The following FMN2 variants were observed in gnomAD, a reference collection of about 807,000 sequenced individuals.
FMN2 encodes formin 2.
In FMN2, 51 loss-of-function variants were observed where a neutral mutation model predicts 142.3. The ratio of observed to expected loss-of-function variants is 0.36; its 90% CI spans 0.29 to 0.45. The LOEUF is 0.45. FMN2 is among the 20% of genes least tolerant of loss of function. The pLI is 1.00. For synonymous variants in FMN2, 882 were observed against 869.8 expected (o/e 1.01, Z -0.25); for missense variants, 1,936 against 2,122.8 (o/e 0.91, Z 1.73).
chr1:240,355,741 C>T (rs1468068075), intron 13 of FMN2, 75 bp from the exon 14 acceptor site: 2 of 989,288 alleles, frequency 2.0e-6, no homozygotes, highest in African/African-American at 1.6e-5. Flanking sequence ...CTAACATTAG[C>T]TAAGATGTTT....
intron 13 of FMN2, among the ~76,000 whole-genome samples, chr1:240,335,112 G>A (rs571808907): frequency 2.0e-5 from 3 of 152,120 alleles, no homozygotes; most frequent in Non-Finnish European, 2.9e-5. Context: ...TTTTAAAATG[G>A]ATTTCAGTGA....
chr1:240,236,607 G>A (rs935848448), intron 6 of FMN2, among the ~76,000 whole-genome samples: 1 of 152,138 alleles, frequency 6.6e-6, no homozygotes, highest in South Asian at 2.1e-4. Flanking sequence ...TTTTACTCAC[G>A]GCAGAAGGTG....
At chr1:240,164,027 G>T (rs886071866) in intron 2 of FMN2, among the ~76,000 whole-genome samples, 4 of 151,872 alleles carry the variant, frequency 2.6e-5, no homozygotes, top group African/African-American at 9.7e-5. Flanking sequence ...ACAGGGGTGC[G>T]TCACCACCCC....
intron 13 of FMN2, among the ~76,000 whole-genome samples, chr1:240,347,889 T>G (rs1437486425): frequency 6.6e-6 from 1 of 152,224 alleles, no homozygotes; most frequent in Non-Finnish European, 1.5e-5. Context: ...GTTTCATGGC[T>G]GCATAGTATT....
chr1:240,341,377 A>G lies in FMN2; in HGVS notation c.4765+7148A>G, dbSNP rs551729147. On this transcript the variant is annotated intron_variant, in intron 13 of 17. Transcript: ENST00000319653. ...AGTCACTAGTTTCCTATGTGGTGTT[A>G]GAATGATGATTTTTATAAAGGTGTC... The G allele has an allele frequency of 3.9e-5, 6 of 152,290 alleles. No individual in the cohort carries two copies. The East Asian group carries it at 1.2e-3, about 29-fold the overall frequency. 9.4% of individuals were successfully genotyped at this position (152,290 alleles called of 1,614,324 possible).
At chr1:240,291,621 G>C (rs1572160986) in intron 7 of FMN2, among the ~76,000 whole-genome samples, 2 of 152,258 alleles carry the variant, frequency 1.3e-5, no homozygotes, top group Admixed American at 1.3e-4. Context: ...TAATAAACAA[G>C]ACAGAGTATA....
chr1:240,408,294 CCAAA>C (rs1179765711), intron 15 of FMN2, among the ~76,000 whole-genome samples: 1 of 151,982 alleles, frequency 6.6e-6, no homozygotes, highest in African/African-American at 2.4e-5. Flanking sequence ...AGCAACTAGG[CCAAA>C]CATTCTTGAT....
At chr1:240,434,555 G>GTTTTTTTT (rs57596533) in intron 15 of FMN2, among the ~76,000 whole-genome samples, 1 of 148,174 alleles carries the variant, frequency 6.7e-6, no homozygotes. Flanking sequence ...TTTGTTTTTT[G>GTTTTTTTT]TTTTTTTTTG....
chr1:240,472,524 C>T, intron 17 of FMN2, 71 bp downstream of exon 17: 1 of 952,286 alleles, frequency 1.1e-6, no homozygotes. Flanking sequence ...TATATACAAA[C>T]TCATAATATT....
At chr1:240,461,861 C>T (rs1040401396) in intron 16 of FMN2, among the ~76,000 whole-genome samples, 2 of 152,202 alleles carry the variant, frequency 1.3e-5, no homozygotes, top group African/African-American at 4.8e-5. Flanking sequence ...GATATGCCCA[C>T]TGTCTCTGCA....
intron 3 of FMN2, among the ~76,000 whole-genome samples, chr1:240,183,445 T>A (rs1665235902): frequency 6.8e-6 from 1 of 148,136 alleles, no homozygotes; most frequent in Non-Finnish European, 1.5e-5. Context: ...AGGTTATGAT[T>A]ATATAATATA....
At chr1:240,171,250 C>T (rs1234002978) in intron 2 of FMN2, 1 of 758,588 alleles carries the variant, frequency 1.3e-6, no homozygotes, top group Non-Finnish European at 2.4e-6. Context: ...AGCCTTTGAA[C>T]TGTTGCATTC....
At chr1:240,406,073 G>A in intron 15 of FMN2, among the ~76,000 whole-genome samples, 1 of 135,008 alleles carries the variant, frequency 7.4e-6, no homozygotes, top group Non-Finnish European at 1.5e-5. Flanking sequence ...AGCCTCAGGA[G>A]TGGGGGGAGC....
At chr1:240,205,275 G>A (rs988190793) in intron 4 of FMN2, among the ~76,000 whole-genome samples, 5 of 152,024 alleles carry the variant, frequency 3.3e-5, no homozygotes, top group African/African-American at 1.2e-4. Flanking sequence ...AGCCTTTAGT[G>A]AGCAAATCCA....
chr1:240,350,477 G>C (rs1046475665), intron 13 of FMN2, among the ~76,000 whole-genome samples: 2 of 152,156 alleles, frequency 1.3e-5, no homozygotes, highest in Admixed American at 6.6e-5. Flanking sequence ...TGGCTTCAAG[G>C]AATGCAAATT....
rs142072223 is a variant in FMN2, at chr1:240,208,339, C to T, written c.3527C>T (p.Pro1176Leu). Residue 1176 changes from proline to leucine, a missense_variant, in exon 5 of 18, where the codon CCG becomes CTG. Around this residue, in one of 8 missense-constraint regions of FMN2, gnomAD observed 56 missense variants for 111.8 expected, o/e 0.50. Transcript: ENST00000319653. ...CTACCCGGAGCGGGCATACCCCCTC[C>T]GCCCCCTCTACCTGGAGTGGGAATA... ...PPLPGAGIPP[P>L]PPLPGVGIPP... 169 of 1,435,848 alleles carry T rather than the reference C, an allele frequency of 1.2e-4. No individual in the cohort carries two copies. Among genetic ancestry groups the T allele is most frequent in the Admixed American group, 2.1e-4 (11 of 53,540 alleles). 88.9% of individuals were successfully genotyped at this position (1,435,848 alleles called of 1,614,324 possible).
chr1:240,327,877 TG>T lies in FMN2; in HGVS notation c.4216-1197del, dbSNP rs950507528. Among the ~76,000 whole-genome samples, 65 of 152,132 alleles carry T rather than the reference TG, an allele frequency of 4.3e-4. 1 individual carries two copies. Among genetic ancestry groups the T allele is most frequent in the African/African-American group, 1.5e-3 (62 of 41,532 alleles). ...AAAAGAAAATCCAGGCCAGGCGCAG[TG>T]GCTCATGCCTGTAATCCCAGCAGTT... On this transcript the variant is annotated intron_variant, in intron 8 of 17. Coordinates refer to ENST00000319653, the MANE Select transcript of FMN2 (RefSeq NM_020066.5).
At chr1:240,144,300 C>A (rs748947527) in intron 2 of FMN2, 3 of 1,607,154 alleles carry the variant, frequency 1.9e-6, no homozygotes, top group Non-Finnish European at 2.6e-6. Flanking sequence ...GAGCCACTGC[C>A]CCCAAACCTG....
chr1:240,164,967 T>C (rs184141543), intron 2 of FMN2, among the ~76,000 whole-genome samples: 1 of 152,336 alleles, frequency 6.6e-6, no homozygotes, highest in Admixed American at 6.5e-5. Flanking sequence ...TTTATCCTCT[T>C]ATTTTTTCTG....
Sources: allele counts gnomAD v4.1 joint callset (sites outside exome capture counted in the v4.1 genomes callset), GRCh38; gene constraint gnomAD v4.1.1; regional missense constraint gnomAD v4.1.1; transcripts MANE v1.5; gene names NCBI Gene and HGNC (gene_info 2026-07-23, HGNC 2026-07-21).